Variants in BAHCC1 observed in about 807,000 individuals in gnomAD.
The protein encoded by BAHCC1 is BAH domain and coiled-coil containing 1.
BAHCC1 carries 43 observed loss-of-function variants against 88.2 expected under a neutral mutation model. The ratio of observed to expected loss-of-function variants is 0.49; its 90% CI spans 0.38 to 0.63. The LOEUF is 0.63. Among genes scored for constraint, BAHCC1 ranks in the 20% least tolerant of loss-of-function variants. The probability of loss-of-function intolerance (pLI) is 0.00; values close to 1 mark genes in which losing one functional copy is unlikely to be tolerated. For synonymous variants in BAHCC1, 1,510 were observed against 745.5 expected (o/e 2.03, Z -16.71); for missense variants, 3,023 against 1,654.8 (o/e 1.83, Z -14.34).
chr17:81,448,119 CAGCA>C (rs1225031450), intron 11 of BAHCC1, among the ~76,000 whole-genome samples: 15 of 152,214 alleles, frequency 9.9e-5, no homozygotes, highest in African/African-American at 2.7e-4. Flanking sequence ...GCCTCTCGGG[CAGCA>C]CCTCCTGTTG....
At chr17:81,430,584 G>A (rs1405889840) in intron 3 of BAHCC1, among the ~76,000 whole-genome samples, 2 of 152,186 alleles carry the variant, frequency 1.3e-5, no homozygotes, top group African/African-American at 4.8e-5. Context: ...TGAGGTCTCA[G>A]GACTCGCTGG....
At chr17:81,415,292 T>C (rs1555648432) in intron 2 of BAHCC1, among the ~76,000 whole-genome samples, 1 of 152,216 alleles carries the variant, frequency 6.6e-6, no homozygotes, top group African/African-American at 2.4e-5. Flanking sequence ...CTCAGCCTCT[T>C]GGGGTCGCAG....
At chr17:81,440,639 G>A (rs907564212) in intron 4 of BAHCC1, among the ~76,000 whole-genome samples, 7 of 152,194 alleles carry the variant, frequency 4.6e-5, no homozygotes, top group African/African-American at 9.7e-5. Context: ...TCTGTGGGGC[G>A]ATGGGTAACC....
Position 81,411,664 on chromosome 17 carries a change from G to A in BAHCC1, c.178+11747G>A. On this transcript the variant is annotated intron_variant, in intron 2 of 27. Transcript: ENST00000675386. The surrounding 1 kb of genome is among the most constrained non-coding windows in gnomAD (Gnocchi z 6.2). The stretch of plus-strand genomic sequence containing the variant: ...GGGTGGTCAGGTTTGGGGCATTCCA[G>A]ACCTGAGGCCCTCCAGGCAGCTCCC... The A allele has an allele frequency of 2.9e-6, 1 of 350,404 alleles. No homozygotes were observed. 21.7% of individuals were successfully genotyped at this position (350,404 alleles called of 1,614,324 possible).
chr17:81,424,948 GTGATGTGGTTGGCA>G (rs1304814463), intron 2 of BAHCC1, among the ~76,000 whole-genome samples: 4 of 150,706 alleles, frequency 2.7e-5, no homozygotes, highest in East Asian at 4.0e-4. Flanking sequence ...ATAGTGGTGG[GTGATGTGGTTGGCA>G]TGATGTGGTT....
rs1326779592 is a variant in BAHCC1 at position 81,399,148 on chromosome 17, T to TGC, written c.-206-385_-206-384insCG. On this transcript the variant is annotated intron_variant, in intron 1 of 27. Coordinates refer to ENST00000675386, the MANE Select transcript of BAHCC1 (RefSeq NM_001377448.1). The surrounding 1 kb of genome is among the most constrained non-coding windows in gnomAD (Gnocchi z 4.5). ...GTGTGAGTGTGTGTGTGTGTGTGTG[T>TGC]GTGTGCGAGTGTGCGTGATGGCTTC... The TGC allele has an allele frequency of 8.0e-6, 3 of 374,032 alleles. No homozygotes were observed. Among genetic ancestry groups the TGC allele is most frequent in the East Asian group, 1.3e-4 (1 of 7,794 alleles). 23.2% of individuals were successfully genotyped at this position (374,032 alleles called of 1,614,324 possible).
intron 2 of BAHCC1, among the ~76,000 whole-genome samples, chr17:81,423,105 C>T (rs889036373): frequency 1.4e-4 from 22 of 152,144 alleles, no homozygotes; most frequent in Non-Finnish European, 4.4e-5. Flanking sequence ...TGGGCCTGGC[C>T]CTGCTCCACA....
chr17:81,414,149 G>A (rs536867784), intron 2 of BAHCC1, among the ~76,000 whole-genome samples: 1 of 152,350 alleles, frequency 6.6e-6, no homozygotes, highest in East Asian at 1.9e-4. Flanking sequence ...ACCTGCCCAG[G>A]ACCAGCCGTG....
intron 2 of BAHCC1, among the ~76,000 whole-genome samples, chr17:81,424,962 A>C (rs369484875): frequency 2.4e-5 from 2 of 82,546 alleles, no homozygotes; most frequent in South Asian, 9.3e-4. Flanking sequence ...TGTGGTTGGC[A>C]TGATGTGGTT....
At position 81,399,339 on chromosome 17, in the gene BAHCC1, G is replaced by C. The variant is rs1475220467; in HGVS notation, c.-206-195G>C. The C allele has an allele frequency of 5.5e-6, 1 of 182,938 alleles. No homozygotes were observed. The highest frequency in any genetic ancestry group is 2.4e-5 in the African/African-American group (1 of 41,002). 11.3% of individuals were successfully genotyped at this position (182,938 alleles called of 1,614,324 possible). A position where few individuals can be genotyped will look rare whatever the true frequency, so the allele number is the denominator to read the frequency against. Reference sequence around the variant, plus strand: ...CCGGGACGGTGCGTGCGCGCGCGGGGCCCCGGGTGCTGGGCTGCGCGCGCG... The same window carrying C: ...CCGGGACGGTGCGTGCGCGCGCGGGCCCCCGGGTGCTGGGCTGCGCGCGCG... On this transcript the variant is annotated intron_variant, in intron 1 of 27. Coordinates refer to ENST00000675386, the MANE Select transcript of BAHCC1 (RefSeq NM_001377448.1). The surrounding 1 kb of genome is among the most constrained non-coding windows in gnomAD (Gnocchi z 4.5).
chr17:81,399,850 G>A lies in BAHCC1; in HGVS notation c.111G>A (p.Ala37=), dbSNP rs1322321084. Reference sequence around the variant, plus strand: ...GTCTCGCCCCGGCTGGGCCCGCCGCGCAGCCCCCCGCACACTTCCAGCCGG... The same window carrying A: ...GTCTCGCCCCGGCTGGGCCCGCCGCACAGCCCCCCGCACACTTCCAGCCGG... The part of the protein sequence containing the change: ...AARLAPAGPA[A]QPPAHFQPGK... Residue 37 remains alanine (A), a synonymous_variant, in exon 2 of 28, where the codon GCG becomes GCA. Transcript: ENST00000675386. This position sits in a 1 kb window ranked among gnomAD's most constrained non-coding sequence, Gnocchi z 4.5. The A allele has an allele frequency of 4.3e-6, 6 of 1,389,218 alleles. No homozygotes were observed. Among genetic ancestry groups the A allele is most frequent in the South Asian group, 1.6e-5 (1 of 63,698 alleles). 86.1% of individuals were successfully genotyped at this position (1,389,218 alleles called of 1,614,324 possible). A position where few individuals can be genotyped will look rare whatever the true frequency, so the allele number is the denominator to read the frequency against.
chr17:81,432,557 T>TCCCTCCCATCGCCGGGCCCA (rs1250696160), intron 3 of BAHCC1, among the ~76,000 whole-genome samples: 71 of 22,628 alleles, frequency 3.1e-3, no homozygotes, highest in East Asian at 0.015. Flanking sequence ...AGGCCCACCC[T>TCCCTCCCATCGCCGGGCCCA]CCCTCCCATC....
intron 4 of BAHCC1, among the ~76,000 whole-genome samples, chr17:81,438,919 A>C (rs2064374565): frequency 6.6e-6 from 1 of 151,964 alleles, no homozygotes; most frequent in African/African-American, 2.4e-5. Flanking sequence ...CCTGGCTTAC[A>C]CACCCGGTGG....
chr17:81,424,040 C>T (rs2064146214), intron 2 of BAHCC1, among the ~76,000 whole-genome samples: 1 of 152,240 alleles, frequency 6.6e-6, no homozygotes. Flanking sequence ...GGGCCCAGCC[C>T]CAGGAATCCT....
chr17:81,399,136 T>C lies in BAHCC1; in HGVS notation c.-206-398T>C, dbSNP rs2063777774. On this transcript the variant is annotated intron_variant, in intron 1 of 27. Transcript: ENST00000675386. The surrounding 1 kb of genome is among the most constrained non-coding windows in gnomAD (Gnocchi z 4.5). ...GAGAGGGTGTGCGTGTGAGTGTGTGTGTGTGTGTGTGTGTGTGCGAGTGTG... is the reference window on the plus strand; with the variant it reads ...GAGAGGGTGTGCGTGTGAGTGTGTGCGTGTGTGTGTGTGTGTGCGAGTGTG... The C allele has an allele frequency of 3.0e-6, 1 of 331,852 alleles. No individual in the cohort carries two copies. Among genetic ancestry groups the C allele is most frequent in the Non-Finnish European group, 6.2e-6 (1 of 161,642 alleles). The allele number at this position is 331,852 out of a possible 1,614,324, so 20.6% of individuals were successfully genotyped here. A position where few individuals can be genotyped will look rare whatever the true frequency, so the allele number is the denominator to read the frequency against.
At chr17:81,418,264 G>A (rs1477472591) in intron 2 of BAHCC1, among the ~76,000 whole-genome samples, 1 of 152,220 alleles carries the variant, frequency 6.6e-6, no homozygotes, top group Non-Finnish European at 1.5e-5. Flanking sequence ...AGATTGGAGA[G>A]GGTTCCAGGA....
chr17:81,447,573 A>T lies in BAHCC1; in HGVS notation c.3701A>T (p.Gln1234Leu). 1 of 756,220 alleles carries T rather than the reference A, an allele frequency of 1.3e-6. No individual in the cohort carries two copies. Among genetic ancestry groups the T allele is most frequent in the Non-Finnish European group, 2.5e-6 (1 of 406,738 alleles). 46.8% of individuals were successfully genotyped at this position (756,220 alleles called of 1,614,324 possible). A position where few individuals can be genotyped will look rare whatever the true frequency, so the allele number is the denominator to read the frequency against. The change falls in exon 11 of 28, where the codon CAG (glutamine) becomes CTG (leucine). Residue 1234 changes from glutamine to leucine, a missense_variant. Transcript: ENST00000675386. Reference sequence around the variant, plus strand: ...GAGCTGGAGGAAGACGAGCTGGGGCAGCAGAGCATGGAGGACTCAGAGGAG... The same window carrying T: ...GAGCTGGAGGAAGACGAGCTGGGGCTGCAGAGCATGGAGGACTCAGAGGAG... ...EDELEEDELG[Q>L]QSMEDSEEDC... is the part of the protein sequence containing the mutation.
chr17:81,428,841 T>A (rs2064229444), intron 3 of BAHCC1, among the ~76,000 whole-genome samples: 1 of 152,174 alleles, frequency 6.6e-6, no homozygotes, highest in Admixed American at 6.5e-5. Flanking sequence ...CCGGCATCGG[T>A]GGGTTCCATC....
At chr17:81,406,975 G>A (rs1373283964) in intron 2 of BAHCC1, 4 of 456,222 alleles carry the variant, frequency 8.8e-6, no homozygotes, top group East Asian at 6.9e-5. Flanking sequence ...GGCGAGGAAG[G>A]GAGGGACAAA....
Sources: allele counts gnomAD v4.1 joint callset (sites outside exome capture counted in the v4.1 genomes callset), GRCh38; gene constraint gnomAD v4.1.1; non-coding constraint Gnocchi (gnomAD v3.1); transcripts MANE v1.5; gene names NCBI Gene and HGNC (gene_info 2026-07-23, HGNC 2026-07-21).